ACACA: variants seen among roughly 807,000 people sequenced by gnomAD.
ACACA encodes acetyl-CoA carboxylase 1.
Under a neutral mutation model 296.1 loss-of-function variants are expected in ACACA, and 103 were observed. The ratio of observed to expected loss-of-function variants is 0.35; its 90% CI spans 0.30 to 0.41. The LOEUF (loss-of-function observed/expected upper bound fraction) is 0.41, where lower values mean the gene tolerates loss of function less well. Among genes scored for constraint, ACACA ranks in the 10% least tolerant of loss-of-function variants. The pLI is 1.00. For synonymous variants in ACACA, 953 were observed against 1,038.6 expected (o/e 0.92, Z 1.58); for missense variants, 1,554 against 2,989.7 (o/e 0.52, Z 11.20).
chr17:37,181,376 C>G lies in ACACA; in HGVS notation c.4777-20G>C. 1 of 1,613,782 alleles carries G rather than the reference C, an allele frequency of 6.2e-7. No homozygotes were observed. ...CATGATCTGCAGGAAAAAAAAATGG[C>G]ATGGGGAGTTAAGAGACAGAAAAAA... is the stretch of plus-strand genomic sequence containing the variant. On this transcript the variant is annotated intron_variant, in intron 39 of 55. Coordinates refer to ENST00000616317, the MANE Select transcript of ACACA (RefSeq NM_198834.3).
chr17:37,306,450 C>A (rs4795188), intron 3 of ACACA, among the ~76,000 whole-genome samples: 1 of 151,766 alleles, frequency 6.6e-6, no homozygotes, highest in South Asian at 2.1e-4. Context: ...CATATATATG[C>A]AAAATTAATA....
At chr17:37,365,122 C>T (rs1380187259) in intron 1 of ACACA, among the ~76,000 whole-genome samples, 1 of 152,154 alleles carries the variant, frequency 6.6e-6, no homozygotes, top group East Asian at 1.9e-4. Context: ...ACATGCCCAG[C>T]CAATTTTTGT....
chr17:37,325,143 G>A (rs2147164410), intron 3 of ACACA, among the ~76,000 whole-genome samples: 1 of 151,372 alleles, frequency 6.6e-6, no homozygotes, highest in East Asian at 2.0e-4. Context: ...GGAGGTTGCA[G>A]TGAGCCAAGA....
intron 14 of ACACA, among the ~76,000 whole-genome samples, chr17:37,254,487 G>A (rs2146143780): frequency 6.6e-6 from 1 of 152,218 alleles, no homozygotes; most frequent in Admixed American, 6.5e-5. Flanking sequence ...CCTCTAGACT[G>A]AGTTAGTTGA....
intron 1 of ACACA, among the ~76,000 whole-genome samples, chr17:37,359,406 G>GGGCGGGCGGGCCGCGGGCGGGC (rs1450043354): frequency 6.7e-6 from 1 of 150,060 alleles, no homozygotes; most frequent in Non-Finnish European, 1.5e-5. Flanking sequence ...AGCGGCTAGA[G>GGGCGGGCGGGCCGCGGGCGGGC]GGCGGGCGGG....
chr17:37,217,755 A>C (rs1206398897), intron 29 of ACACA, among the ~76,000 whole-genome samples: 11 of 145,670 alleles, frequency 7.6e-5, no homozygotes, highest in South Asian at 4.3e-4. Context: ...AAAAAAAAAA[A>C]AAAAAAAAAC....
chr17:37,378,994 C>G (rs1016345721), intron 1 of ACACA: 2 of 1,003,068 alleles, frequency 2.0e-6, no homozygotes, highest in Admixed American at 2.9e-5. Context: ...GCTTGGAGAT[C>G]GAGGGAGTTT....
At chr17:37,389,238 C>T (rs757761449) in intron 1 of ACACA, 2 of 1,572,384 alleles carry the variant, frequency 1.3e-6, no homozygotes, top group Non-Finnish European at 8.6e-7. Flanking sequence ...GTCATTTTCT[C>T]CCTTCAGTAT....
At chr17:37,216,153 C>T (rs1276217523) in intron 29 of ACACA, among the ~76,000 whole-genome samples, 5 of 135,034 alleles carry the variant, frequency 3.7e-5, no homozygotes, top group Non-Finnish European at 7.8e-5. Flanking sequence ...CACACACACA[C>T]ACACAACATA....
chr17:37,190,089 G>C (rs1227725347), intron 38 of ACACA, among the ~76,000 whole-genome samples: 1 of 151,632 alleles, frequency 6.6e-6, no homozygotes, highest in Non-Finnish European at 1.5e-5. Context: ...CTTGAAAAAG[G>C]GAGATACTGG....
At chr17:37,327,951 C>T (rs561254792) in intron 3 of ACACA, among the ~76,000 whole-genome samples, 197 of 152,272 alleles carry the variant, frequency 1.3e-3, no homozygotes, top group African/African-American at 4.6e-3. Flanking sequence ...AATGCCACCA[C>T]TAGTATTAAC....
intron 50 of ACACA, 133 bp downstream of exon 50, chr17:37,121,222 C>G (rs914529752): frequency 5.5e-5 from 65 of 1,186,384 alleles, no homozygotes; most frequent in Non-Finnish European, 7.5e-5. Context: ...AAAGATGTCT[C>G]AGAGAGGGCA....
chr17:37,283,137 A>G (rs2082619623), intron 5 of ACACA, 130 bp downstream of exon 5: 2 of 1,126,670 alleles, frequency 1.8e-6, no homozygotes, highest in Non-Finnish European at 2.6e-6. Flanking sequence ...AACAGAAATT[A>G]TTTTAAAAGG....
intron 29 of ACACA, among the ~76,000 whole-genome samples, chr17:37,218,820 G>A (rs1049096476): frequency 1.7e-4 from 26 of 152,110 alleles, no homozygotes; most frequent in African/African-American, 6.0e-4. Flanking sequence ...AAGTACTGGA[G>A]TTAGAAAAAG....
intron 1 of ACACA, among the ~76,000 whole-genome samples, chr17:37,385,300 C>A (rs1418319990): frequency 6.6e-6 from 1 of 152,052 alleles, no homozygotes; most frequent in Non-Finnish European, 1.5e-5. Context: ...GGTGAAACCC[C>A]ATCTCTACCA....
intron 1 of ACACA, chr17:37,376,254 G>A: frequency 1.0e-6 from 1 of 957,416 alleles, no homozygotes; most frequent in African/African-American, 1.6e-5. Context: ...TATCCAGCAA[G>A]CAATACTTTC....
At chr17:37,256,770 A>G (rs890077768) in intron 14 of ACACA, among the ~76,000 whole-genome samples, 2 of 152,214 alleles carry the variant, frequency 1.3e-5, no homozygotes, top group South Asian at 4.1e-4. Flanking sequence ...AAAAATATAA[A>G]ACTAATCAAT....
At chr17:37,128,368 C>T (rs1158905913) in intron 47 of ACACA, among the ~76,000 whole-genome samples, 5 of 152,170 alleles carry the variant, frequency 3.3e-5, no homozygotes, top group Non-Finnish European at 7.4e-5. Context: ...ACAGTCCCAC[C>T]TGGCTTACAG....
At chr17:37,266,496 T>C (rs971971583) in intron 10 of ACACA, among the ~76,000 whole-genome samples, 1 of 151,388 alleles carries the variant, frequency 6.6e-6, no homozygotes, top group Admixed American at 6.6e-5. Flanking sequence ...CTTAGAAGCA[T>C]CTTTCTAGCT....
Sources: gnomAD v4.1 joint callset for allele counts (sites outside exome capture counted in the v4.1 genomes callset) on GRCh38, gnomAD v4.1.1 for gene constraint, MANE v1.5 for transcripts, NCBI Gene and HGNC (gene_info 2026-07-23, HGNC 2026-07-21) for gene names.